HLCS: variants seen among roughly 807,000 people sequenced by gnomAD.
HLCS encodes holocarboxylase synthetase.
HLCS carries 53 observed loss-of-function variants against 75.0 expected under a neutral mutation model. The ratio of observed to expected loss-of-function variants is 0.71; its 90% CI spans 0.57 to 0.89. The LOEUF (loss-of-function observed/expected upper bound fraction) is 0.89. HLCS is among the 40% of genes least tolerant of loss of function. HLCS has a pLI of 0.00. For missense variants in HLCS, 966 were observed against 1,074.0 expected, an observed-to-expected ratio of 0.90 and a Z score of 1.41; for synonymous variants, 431 against 428.6, an observed-to-expected ratio of 1.01 and a Z score of -0.07.
chr21:36,779,131 C>G (rs2060450149), intron 6 of HLCS, among the ~76,000 whole-genome samples: 1 of 131,300 alleles, frequency 7.6e-6, no homozygotes, highest in Non-Finnish European at 1.6e-5. Flanking sequence ...ACAGTGAGCT[C>G]TGTGGAACCT....
chr21:36,754,224 C>T lies in HLCS; in HGVS notation c.*22G>A, dbSNP rs372906843. The T allele has an allele frequency of 4.4e-5, 71 of 1,612,316 alleles. No homozygotes were observed. Among genetic ancestry groups the T allele is most frequent in the Middle Eastern group, 1.7e-4 (1 of 6,004 alleles). On this transcript the variant is annotated 3_prime_UTR_variant, in exon 11 of 11. Coordinates refer to ENST00000674895, the MANE Select transcript of HLCS (RefSeq NM_001352514.2). ...AGATGCATGGGCACGGACAGGCAGC[C>T]GCGTCTCGGGGACGCCCGGCATTAC...
rs2060464332 is a variant in HLCS, at chr21:36,779,496, C to T, written c.1893-12211G>A. On this transcript the variant is annotated intron_variant, in intron 6 of 10. Transcript: ENST00000674895. ...TTTTCTATATTCATAAATTCTTTCT[C>T]CAATAGTGGGAAATCTGGCTTGCAT... Among the ~76,000 whole-genome samples, 4 of 152,182 alleles carry T rather than the reference C, an allele frequency of 2.6e-5. No homozygotes were observed. In the South Asian group the frequency reaches 8.3e-4, roughly 32 times the overall value.
chr21:36,846,996 CA>C (rs1428737802), intron 6 of HLCS, among the ~76,000 whole-genome samples: 1 of 152,118 alleles, frequency 6.6e-6, no homozygotes, highest in Non-Finnish European at 1.5e-5. Context: ...TTCAAAAACA[CA>C]AAAAATCTAA....
intron 6 of HLCS, among the ~76,000 whole-genome samples, chr21:36,869,549 A>G (rs977278181): frequency 6.6e-6 from 1 of 152,238 alleles, no homozygotes; most frequent in Non-Finnish European, 1.5e-5. Context: ...ACTGCATTTC[A>G]TACTTTCAAA....
intron 6 of HLCS, among the ~76,000 whole-genome samples, chr21:36,863,142 A>T (rs1028818727): frequency 3.9e-5 from 6 of 152,232 alleles, no homozygotes; most frequent in African/African-American, 1.4e-4. Flanking sequence ...AGTGCACATT[A>T]TTCTCCCAGG....
At position 36,868,827 on chromosome 21, in the gene HLCS, C is replaced by T. The variant is rs374923989; in HGVS notation, c.1892+28033G>A. Among the ~76,000 whole-genome samples, 6 of 152,220 alleles carry T rather than the reference C, an allele frequency of 3.9e-5. No homozygotes were observed. The South Asian group carries it at 6.2e-4, about 16-fold the overall frequency. ...GCAGTTGTCCCCATCTCAGGGTCTC[C>T]GGAACCTGGGAGAAGTCCATCCACC... On this transcript the variant is annotated intron_variant, in intron 6 of 10. Transcript: ENST00000674895.
At chr21:36,906,961 G>T (rs901422150) in intron 5 of HLCS, among the ~76,000 whole-genome samples, 1 of 152,046 alleles carries the variant, frequency 6.6e-6, no homozygotes, top group Non-Finnish European at 1.5e-5. Flanking sequence ...CCAGTGGGGA[G>T]TGCAGTGGTG....
At chr21:36,983,154 T>G (rs2146743900) in intron 1 of HLCS, among the ~76,000 whole-genome samples, 1 of 152,290 alleles carries the variant, frequency 6.6e-6, no homozygotes, top group East Asian at 1.9e-4. Flanking sequence ...AATCTACCGC[T>G]CTTGCCTCCC....
intron 6 of HLCS, among the ~76,000 whole-genome samples, chr21:36,810,480 C>G (rs2061480383): frequency 6.6e-6 from 1 of 152,230 alleles, no homozygotes; most frequent in African/African-American, 2.4e-5. Context: ...TGGCCCTGAG[C>G]TTACTTGGTG....
chr21:36,878,477 A>T (rs1042836906), intron 6 of HLCS, among the ~76,000 whole-genome samples: 3 of 152,184 alleles, frequency 2.0e-5, no homozygotes, highest in Admixed American at 6.5e-5. Flanking sequence ...CGAAACTACT[A>T]CTACTGAGCA....
intron 5 of HLCS, among the ~76,000 whole-genome samples, chr21:36,923,936 G>C (rs1164262220): frequency 6.6e-6 from 1 of 152,188 alleles, no homozygotes; most frequent in Non-Finnish European, 1.5e-5. Flanking sequence ...AGCATTCATA[G>C]CTATAAAAGC....
At chr21:36,882,862 C>G (rs2064289984) in intron 6 of HLCS, among the ~76,000 whole-genome samples, 1 of 152,120 alleles carries the variant, frequency 6.6e-6, no homozygotes, top group Non-Finnish European at 1.5e-5. Flanking sequence ...ACCTCTGGAA[C>G]CAAAGGGCAA....
intron 2 of HLCS, chr21:36,947,856 C>T: frequency 1.0e-6 from 1 of 985,414 alleles, no homozygotes. Flanking sequence ...CCCACTGGTA[C>T]CCAGAGTCAG....
intron 6 of HLCS, among the ~76,000 whole-genome samples, chr21:36,829,088 T>C (rs553049058): frequency 3.1e-4 from 47 of 152,338 alleles, no homozygotes; most frequent in African/African-American, 1.1e-3. Context: ...CTTTACACAT[T>C]GTCTTTGGAT....
intron 5 of HLCS, among the ~76,000 whole-genome samples, chr21:36,899,805 G>A (rs185756958): frequency 5.5e-4 from 83 of 152,114 alleles, no homozygotes; most frequent in African/African-American, 1.5e-3. Context: ...TAATGTGGGA[G>A]TCAGAAAGTT....
chr21:36,924,932 A>G (rs1265161199), intron 5 of HLCS, among the ~76,000 whole-genome samples: 1 of 152,170 alleles, frequency 6.6e-6, no homozygotes, highest in Non-Finnish European at 1.5e-5. Context: ...CAGTATGTTC[A>G]TGTATATCAA....
chr21:36,749,675 G>A lies in HLCS; in HGVS notation c.*4571C>T, dbSNP rs897253288. On this transcript the variant is annotated 3_prime_UTR_variant, in exon 11 of 11. Coordinates refer to ENST00000674895, the MANE Select transcript of HLCS (RefSeq NM_001352514.2). ...TTGTGAGTGTGTGCACAGGAAATAA[G>A]CCGAGGGTATTATTTTTTTATGTTC... 1 of 152,104 alleles carries A rather than the reference G, an allele frequency of 6.6e-6. No homozygotes were observed. Among genetic ancestry groups the A allele is most frequent in the Non-Finnish European group, 1.5e-5 (1 of 68,026 alleles). 9.4% of individuals were successfully genotyped at this position (152,104 alleles called of 1,614,324 possible).
At chr21:36,762,177 G>A (rs1029246261) in intron 8 of HLCS, among the ~76,000 whole-genome samples, 1 of 152,224 alleles carries the variant, frequency 6.6e-6, no homozygotes, top group Non-Finnish European at 1.5e-5. Flanking sequence ...CGGAACAGGT[G>A]CACACATCAC....
chr21:36,896,159 G>A (rs531674688), intron 6 of HLCS, among the ~76,000 whole-genome samples: 1 of 152,304 alleles, frequency 6.6e-6, no homozygotes, highest in African/African-American at 2.4e-5. Context: ...AGGCCAGCCT[G>A]GGCAACATGG....
Sources: allele counts gnomAD v4.1 joint callset (sites outside exome capture counted in the v4.1 genomes callset), GRCh38; gene constraint gnomAD v4.1.1; transcripts MANE v1.5; gene names NCBI Gene and HGNC (gene_info 2026-07-23, HGNC 2026-07-21).